The following GAB2 variants were observed in gnomAD, a reference collection of about 807,000 sequenced individuals.
GAB2 encodes GRB2-associated-binding protein 2.
Under a neutral mutation model 65.5 loss-of-function variants are expected in GAB2, and 26 were observed. The ratio of observed to expected loss-of-function variants is 0.40; its 90% CI spans 0.29 to 0.55. The LOEUF (loss-of-function observed/expected upper bound fraction) is 0.55. GAB2 is among the 20% of genes least tolerant of loss of function. GAB2 has a pLI of 0.53. For missense variants in GAB2, 884 were observed against 875.8 expected (o/e 1.01, Z -0.12); for synonymous variants, 321 against 329.6 (o/e 0.97, Z 0.28).
intron 2 of GAB2, among the ~76,000 whole-genome samples, chr11:78,267,785 G>C (rs1460414114): frequency 6.8e-6 from 1 of 146,960 alleles, no homozygotes; most frequent in Non-Finnish European, 1.5e-5. Flanking sequence ...ATGAACCTGG[G>C]AGGCAGAGTT....
intron 1 of GAB2, among the ~76,000 whole-genome samples, chr11:78,366,695 A>C (rs1202970773): frequency 1.3e-5 from 2 of 149,060 alleles, no homozygotes; most frequent in African/African-American, 4.9e-5. Flanking sequence ...AAGGATTATC[A>C]AAAACCTTCT....
At chr11:78,376,980 TCCTGCCAC>T (rs1249783159) in intron 1 of GAB2, among the ~76,000 whole-genome samples, 1 of 152,158 alleles carries the variant, frequency 6.6e-6, no homozygotes, top group Non-Finnish European at 1.5e-5. Flanking sequence ...GTATGGCACC[TCCTGCCAC>T]CCCGACTCTC....
At chr11:78,359,000 G>T (rs1242399950) in intron 1 of GAB2, among the ~76,000 whole-genome samples, 2 of 152,152 alleles carry the variant, frequency 1.3e-5, no homozygotes, top group South Asian at 2.1e-4. Context: ...AGATTAAATA[G>T]AGCTAAAGAG....
Position 78,307,358 on chromosome 11 carries a change from G to A in GAB2, c.76-26457C>T, listed in dbSNP as rs566648865. ...TAAGGTAAGCCTGAAAATTATTTTT[G>A]TTCAATAATAAAAGCAAGGTTGCTT... On this transcript the variant is annotated intron_variant, in intron 1 of 9. Transcript: ENST00000361507. Among the ~76,000 whole-genome samples the A allele has an allele frequency of 2.6e-5, 4 of 152,118 alleles. No individual in the cohort carries two copies. The South Asian group carries it at 8.3e-4, about 32-fold the overall frequency.
intron 1 of GAB2, among the ~76,000 whole-genome samples, chr11:78,353,811 T>C (rs1424251378): frequency 1.3e-5 from 2 of 152,248 alleles, no homozygotes; most frequent in African/African-American, 4.8e-5. Context: ...GACTACTGTA[T>C]TGGACAGTGC....
chr11:78,258,724 A>T (rs1274522560), intron 2 of GAB2, among the ~76,000 whole-genome samples: 1 of 152,036 alleles, frequency 6.6e-6, no homozygotes, highest in Non-Finnish European at 1.5e-5. Flanking sequence ...TGGCCTCCCA[A>T]AGTGCTGGAA....
At chr11:78,409,019 T>TA (rs1279672452) in intron 1 of GAB2, among the ~76,000 whole-genome samples, 1 of 152,170 alleles carries the variant, frequency 6.6e-6, no homozygotes, top group Admixed American at 6.5e-5. Flanking sequence ...ATGCCACCTA[T>TA]AAGATATCAC....
At chr11:78,417,519 T>A in intron 1 of GAB2, 127 bp downstream of exon 1, 4 of 284,156 alleles carry the variant, frequency 1.4e-5, no homozygotes, top group Non-Finnish European at 2.2e-5. Flanking sequence ...CGGCCGCTCC[T>A]CGCCCCCGGC....
chr11:78,385,278 G>C (rs956773849), intron 1 of GAB2, among the ~76,000 whole-genome samples: 2 of 152,204 alleles, frequency 1.3e-5, no homozygotes, highest in African/African-American at 4.8e-5. Context: ...TCACGGGAAA[G>C]GCCACACAGG....
chr11:78,387,856 G>A (rs929162762), intron 1 of GAB2, among the ~76,000 whole-genome samples: 3 of 152,150 alleles, frequency 2.0e-5, no homozygotes, highest in African/African-American at 7.2e-5. Flanking sequence ...GGGTCAAAAT[G>A]TGGTTCTTTT....
chr11:78,405,298 C>T (rs1857029162), intron 1 of GAB2, among the ~76,000 whole-genome samples: 1 of 152,084 alleles, frequency 6.6e-6, no homozygotes, highest in Non-Finnish European at 1.5e-5. Flanking sequence ...TGGGGTTTCG[C>T]TGTGTTAGCC....
At chr11:78,262,213 G>T (rs1865753019) in intron 2 of GAB2, among the ~76,000 whole-genome samples, 1 of 152,190 alleles carries the variant, frequency 6.6e-6, no homozygotes, top group Admixed American at 6.5e-5. Context: ...TCGGCTTCAG[G>T]AGAAGCAGTG....
At chr11:78,410,021 A>G (rs755062101) in intron 1 of GAB2, among the ~76,000 whole-genome samples, 2 of 152,200 alleles carry the variant, frequency 1.3e-5, no homozygotes, top group Non-Finnish European at 2.9e-5. Flanking sequence ...CTTGTAAATA[A>G]TCCATGGTCA....
intron 1 of GAB2, among the ~76,000 whole-genome samples, chr11:78,339,723 C>T (rs1856061975): frequency 6.6e-6 from 1 of 152,152 alleles, no homozygotes; most frequent in Admixed American, 6.5e-5. Context: ...CAAACATCCC[C>T]TCTACAGAGC....
At position 78,323,049 on chromosome 11, in the gene GAB2, C is replaced by T. The variant is rs186859257; in HGVS notation, c.76-42148G>A. Reference sequence around the variant, plus strand: ...TTTATTGCAGCACTATTTACAACAGCAAAGACAGGGAATCAACCTAGGTGC... The same window carrying T: ...TTTATTGCAGCACTATTTACAACAGTAAAGACAGGGAATCAACCTAGGTGC... On this transcript the variant is annotated intron_variant, in intron 1 of 9. Transcript: ENST00000361507. Among the ~76,000 whole-genome samples, 533 of 152,252 alleles carry T rather than the reference C, an allele frequency of 3.5e-3. 1 individual carries two copies. The highest frequency in any genetic ancestry group is 0.012 in the African/African-American group (501 of 41,516).
intron 1 of GAB2, among the ~76,000 whole-genome samples, chr11:78,332,943 T>A (rs1482701720): frequency 6.6e-6 from 1 of 152,154 alleles, no homozygotes; most frequent in Non-Finnish European, 1.5e-5. Flanking sequence ...GAGCCTAATT[T>A]TGCCAAATAT....
intron 2 of GAB2, among the ~76,000 whole-genome samples, chr11:78,270,695 A>G (rs1265677699): frequency 6.6e-6 from 1 of 152,244 alleles, no homozygotes; most frequent in African/African-American, 2.4e-5. Flanking sequence ...AACACCAAAT[A>G]TTTAAATTAT....
intron 1 of GAB2, among the ~76,000 whole-genome samples, chr11:78,331,169 C>T (rs138665186): frequency 0.021 from 3,228 of 151,590 alleles, 96 homozygotes; most frequent in African/African-American, 0.074. Flanking sequence ...AGACAGACAC[C>T]GTCTCAAAAA....
rs10577079 is a variant in GAB2 at position 78,292,029 on chromosome 11, T to TGTGA, written c.76-11129_76-11128insTCAC. On this transcript the variant is annotated intron_variant, in intron 1 of 9. Transcript: ENST00000361507. ...GTGTGTGTGTGTGTGTGTGTGTGTG[T>TGTGA]GAGAGAGAGAGAGTCAGTCTTTGTT... Among the ~76,000 whole-genome samples the TGTGA allele has an allele frequency of 9.9e-4, 105 of 105,994 alleles. 1 individual carries two copies. The highest frequency in any genetic ancestry group is 2.5e-3 in the African/African-American group (89 of 35,444). The allele number at this position is 105,994 out of a possible 152,430, so 69.5% of individuals were successfully genotyped here. A position where few individuals can be genotyped will look rare whatever the true frequency, so the allele number is the denominator to read the frequency against.
Sources: allele counts gnomAD v4.1 joint callset (sites outside exome capture counted in the v4.1 genomes callset), GRCh38; gene constraint gnomAD v4.1.1; transcripts MANE v1.5; gene names NCBI Gene and HGNC (gene_info 2026-07-23, HGNC 2026-07-21).